DTNA: variants seen among roughly 807,000 people sequenced by gnomAD.
DTNA encodes the protein dystrobrevin alpha, also known as dystrophin-related protein 3.
DTNA carries 43 observed loss-of-function variants against 100.7 expected under a neutral mutation model. The observed-to-expected ratio is 0.43, with a 90% CI of 0.33 to 0.55. DTNA has a LOEUF of 0.55. DTNA is among the 20% of genes least tolerant of loss of function. The pLI, the probability that DTNA is intolerant of heterozygous loss-of-function variation, is 0.04. For missense variants in DTNA, 798 were observed against 953.9 expected, an observed-to-expected ratio of 0.84 and a Z score of 2.15; for synonymous variants, 349 against 347.9, an observed-to-expected ratio of 1.00 and a Z score of -0.04.
intron 17 of DTNA, among the ~76,000 whole-genome samples, chr18:34,872,163 G>T (rs1386975747): frequency 6.6e-6 from 1 of 152,196 alleles, no homozygotes. Flanking sequence ...AGCAAAAGTT[G>T]CCTTTGAGAC....
chr18:34,646,268 A>G (rs754458152), intron 1 of DTNA, among the ~76,000 whole-genome samples: 4 of 152,228 alleles, frequency 2.6e-5, no homozygotes, highest in Admixed American at 6.5e-5. Flanking sequence ...TAAACTAAAA[A>G]AAAATTCATG....
At position 34,798,987 on chromosome 18, in the gene DTNA, A is replaced by C. The variant is rs1277137242; in HGVS notation, c.362+4737A>C. Among the ~76,000 whole-genome samples, 10 of 152,228 alleles carry C rather than the reference A, an allele frequency of 6.6e-5. 1 individual carries two copies. Among genetic ancestry groups the C allele is most frequent in the Non-Finnish European group, 8.8e-5 (6 of 68,048 alleles). On this transcript the variant is annotated intron_variant, in intron 4 of 22. Transcript: ENST00000444659. The stretch of plus-strand genomic sequence containing the variant: ...GTTTCACTTTTTAAAATGAAAATTA[A>C]TTAACCTTTTTTCTCCCAGACTTGT...
chr18:34,815,123 T>C (rs981540803), intron 6 of DTNA, among the ~76,000 whole-genome samples: 1 of 152,008 alleles, frequency 6.6e-6, no homozygotes, highest in Non-Finnish European at 1.5e-5. Flanking sequence ...TTTTAAAAAA[T>C]AAATAAATAA....
At chr18:34,618,015 A>G (rs979139946) in intron 1 of DTNA, among the ~76,000 whole-genome samples, 2 of 152,166 alleles carry the variant, frequency 1.3e-5, no homozygotes, top group Non-Finnish European at 2.9e-5. Context: ...CCAATATTAT[A>G]CTGAATACAG....
In DTNA at chr18:34,879,773, G is replaced by A. The variant is rs534368228; in HGVS notation, c.2162+54G>A. ...CTCAGTAACAAAACAATCTGTAGGA[G>A]ACAATAAGAAAGTAAAAGCATAATT... On this transcript the variant is annotated intron_variant, in intron 20 of 22. Transcript: ENST00000444659. 1.4e-5 allele frequency: 22 copies of A among 1,606,338 alleles called. No homozygotes were observed. The South Asian group carries it at 2.3e-4, about 17-fold the overall frequency.
chr18:34,877,795 A>G lies in DTNA; in HGVS notation c.1980A>G (p.Lys660=). ...SITNTMSSLV[K]ELNSEVGSET... ...CTAACACTATGTCCTCTCTTGTGAAAGAGCTGAATTCTGGTGAGTTCCTGA... is the reference window on the plus strand; with the variant it reads ...CTAACACTATGTCCTCTCTTGTGAAGGAGCTGAATTCTGGTGAGTTCCTGA... The change falls in exon 19 of 23, where the codon AAA becomes AAG. Residue 660 remains lysine (K), a synonymous_variant. Transcript: ENST00000444659. 6.2e-7 allele frequency: 1 copy of G among 1,613,936 alleles called. No homozygotes were observed. Among genetic ancestry groups the G allele is most frequent in the Non-Finnish European group, 8.5e-7 (1 of 1,179,870 alleles).
chr18:34,554,390 G>A (rs1399972199), intron 1 of DTNA, among the ~76,000 whole-genome samples: 3 of 147,842 alleles, frequency 2.0e-5, no homozygotes, highest in African/African-American at 2.6e-5. Flanking sequence ...TAATTGCCCT[G>A]GCCAGAACTT....
At chr18:34,696,815 C>T (rs1285098666) in intron 1 of DTNA, among the ~76,000 whole-genome samples, 1 of 152,160 alleles carries the variant, frequency 6.6e-6, no homozygotes, top group East Asian at 1.9e-4. Flanking sequence ...TTGGACTCTG[C>T]CCTACATATG....
At chr18:34,867,740 A>AAGTT (rs1190358372) in intron 17 of DTNA, 58 of 985,442 alleles carry the variant, frequency 5.9e-5, no homozygotes, top group Non-Finnish European at 6.7e-5. Context: ...ATGGACCAGG[A>AAGTT]AGTTCGTAAA....
chr18:34,833,262 C>T (rs963317941), intron 11 of DTNA, among the ~76,000 whole-genome samples: 3 of 151,984 alleles, frequency 2.0e-5, no homozygotes, highest in African/African-American at 7.2e-5. Context: ...GATTTTGTTA[C>T]CTTTGGACCC....
intron 1 of DTNA, among the ~76,000 whole-genome samples, chr18:34,544,569 T>C (rs921261946): frequency 6.6e-6 from 1 of 152,154 alleles, no homozygotes; most frequent in African/African-American, 2.4e-5. Flanking sequence ...TAAACTTTAG[T>C]TGACATAACA....
chr18:34,536,410 T>C (rs1335483849), intron 1 of DTNA, among the ~76,000 whole-genome samples: 2 of 151,934 alleles, frequency 1.3e-5, no homozygotes, highest in Non-Finnish European at 2.9e-5. Context: ...TAGGTTCTTA[T>C]TCCCGGACCA....
intron 11 of DTNA, among the ~76,000 whole-genome samples, chr18:34,835,183 G>A (rs2149670259): frequency 6.6e-6 from 1 of 152,280 alleles, no homozygotes; most frequent in East Asian, 1.9e-4. Context: ...AGAAATTACA[G>A]AAACTATGTG....
chr18:34,739,549 T>C (rs954521930), intron 1 of DTNA, among the ~76,000 whole-genome samples: 1 of 152,202 alleles, frequency 6.6e-6, no homozygotes, highest in Admixed American at 6.5e-5. Context: ...CTTGTAATTA[T>C]GACAATCACT....
rs181199980 is a variant in DTNA, at chr18:34,882,248, C to G, written c.2295+47C>G. 1.9e-6 allele frequency: 3 copies of G among 1,607,932 alleles called. No homozygotes were observed. In the Admixed American group the frequency reaches 5.0e-5, roughly 27 times the overall value. On this transcript the variant is annotated intron_variant, in intron 21 of 22. Coordinates refer to ENST00000444659, the MANE Select transcript of DTNA (RefSeq NM_001386795.1). ...CCACCCCACCTCTTCTGCCTCAACCCCTTGGTAGCTGGGTCTTTGACATGA... is the reference window on the plus strand; with the variant it reads ...CCACCCCACCTCTTCTGCCTCAACCGCTTGGTAGCTGGGTCTTTGACATGA...
intron 13 of DTNA, among the ~76,000 whole-genome samples, chr18:34,847,929 A>G (rs555110760): frequency 6.6e-6 from 1 of 152,216 alleles, no homozygotes; most frequent in East Asian, 1.9e-4. Flanking sequence ...TTGCTTTCCT[A>G]TTTTCTAACA....
chr18:34,787,893 T>G (rs950508408), intron 3 of DTNA, among the ~76,000 whole-genome samples: 6 of 152,228 alleles, frequency 3.9e-5, no homozygotes, highest in African/African-American at 1.2e-4. Context: ...CTATTATCGT[T>G]ACTTTTAAGA....
At position 34,891,837 on chromosome 18, in the gene DTNA, T is replaced by C. The variant is rs2096966007; in HGVS notation, c.*4103T>C. 6.6e-6 allele frequency: 1 copy of C among 151,956 alleles called. No individual in the cohort carries two copies. Among genetic ancestry groups the C allele is most frequent in the Non-Finnish European group, 1.5e-5 (1 of 68,012 alleles). 9.4% of individuals were successfully genotyped at this position (151,956 alleles called of 1,614,324 possible). ...TTGTTGAATTACTGAATAAATGAAT[T>C]AGTGGTGTTTGGTTTGTTTTTTTTT... On this transcript the variant is annotated 3_prime_UTR_variant, in exon 23 of 23. Coordinates refer to ENST00000444659, the MANE Select transcript of DTNA (RefSeq NM_001386795.1).
chr18:34,760,376 T>C (rs1247981527), intron 2 of DTNA, among the ~76,000 whole-genome samples: 1 of 152,198 alleles, frequency 6.6e-6, no homozygotes, highest in Non-Finnish European at 1.5e-5. Context: ...TCTTGACCAG[T>C]TGTCTCCATA....
Sources: allele counts gnomAD v4.1 joint callset (sites outside exome capture counted in the v4.1 genomes callset), GRCh38; gene constraint gnomAD v4.1.1; transcripts MANE v1.5; gene names NCBI Gene and HGNC (gene_info 2026-07-23, HGNC 2026-07-21).